The following USP38 variants were observed in gnomAD, a reference collection of about 807,000 sequenced individuals.
The protein encoded by USP38 is ubiquitin carboxyl-terminal hydrolase 38.
In USP38, 49 loss-of-function variants were observed where a neutral mutation model predicts 94.3. The ratio of observed to expected loss-of-function variants is 0.52; its 90% CI spans 0.41 to 0.66. The LOEUF (loss-of-function observed/expected upper bound fraction) is 0.66, where lower values mean the gene tolerates loss of function less well. Among genes scored for constraint, USP38 ranks in the 30% least tolerant of loss-of-function variants. The pLI, the probability that USP38 is intolerant of heterozygous loss-of-function variation, is 0.00. For synonymous variants in USP38, 468 were observed against 463.6 expected, an observed-to-expected ratio of 1.01 and a Z score of -0.12; for missense variants, 1,128 against 1,229.4, an observed-to-expected ratio of 0.92 and a Z score of 1.23.
intron 4 of USP38, among the ~76,000 whole-genome samples, chr4:143,199,336 T>C (rs979366020): frequency 6.6e-6 from 1 of 152,212 alleles, no homozygotes; most frequent in Non-Finnish European, 1.5e-5. Context: ...TATGGCTGCA[T>C]AGTATTCCAT....
intron 6 of USP38, 131 bp downstream of exon 6, chr4:143,206,357 C>A: frequency 1.3e-6 from 1 of 799,158 alleles, no homozygotes; most frequent in Non-Finnish European, 1.8e-6. Context: ...TTGCCTTATT[C>A]AGAAATGAAA....
In USP38 at chr4:143,185,417, T is replaced by C; in HGVS notation, c.-34T>C. The stretch of plus-strand genomic sequence containing the variant: ...CTCGGGGCTGCCGCCACCCGCTCCT[T>C]ATCCCCTGGCCCTGGCCTTGCAGCG... On this transcript the variant is annotated 5_prime_UTR_variant, in exon 1 of 10. Coordinates refer to ENST00000307017, the MANE Select transcript of USP38 (RefSeq NM_032557.6). 2.6e-6 allele frequency: 4 copies of C among 1,537,808 alleles called. No homozygotes were observed. The highest frequency in any genetic ancestry group is 3.5e-6 in the Non-Finnish European group (4 of 1,140,632).
chr4:143,197,006 C>T (rs1731568443), intron 3 of USP38, among the ~76,000 whole-genome samples: 1 of 152,242 alleles, frequency 6.6e-6, no homozygotes, highest in South Asian at 2.1e-4. Flanking sequence ...AAGATTGCAG[C>T]AGCCTTCCTG....
chr4:143,185,801 T>G lies in USP38; in HGVS notation c.351T>G (p.Cys117Trp). Residue 117 changes from cysteine to tryptophan, a missense_variant, in exon 1 of 10, where the codon TGT (cysteine) becomes TGG (tryptophan). Transcript: ENST00000307017. ...IHNGLKLIMSCPSVLDLFSLL... is the reference protein window; with the variant it reads ...IHNGLKLIMSWPSVLDLFSLL... ...ACGGCCTGAAGCTGATTATGAGCTG[T>G]CCGTCGGTGCTGGATCTCTTTAGCC... 6.2e-7 allele frequency: 1 copy of G among 1,614,210 alleles called. No individual in the cohort carries two copies. Among genetic ancestry groups the G allele is most frequent in the Non-Finnish European group, 8.5e-7 (1 of 1,180,040 alleles).
Position 143,195,831 on chromosome 4 carries a change from C to T in USP38, c.934C>T (p.Leu312=). 6.2e-7 allele frequency: 1 copy of T among 1,611,742 alleles called. No homozygotes were observed. The highest frequency in any genetic ancestry group is 8.5e-7 in the Non-Finnish European group (1 of 1,179,104). ...KFTILIDVTL[L]KIELVFNRLW... is the part of the protein sequence containing the mutation. The stretch of plus-strand genomic sequence containing the variant: ...TACTATTTTGATAGATGTTACTTTG[C>T]TGAAAATAGAACTGGTAAGTGGGAG... The change falls in exon 3 of 10, where the codon CTG becomes TTG. Residue 312 remains leucine (L), a synonymous_variant. Transcript: ENST00000307017.
At chr4:143,215,239 T>C (rs1732153576) in intron 9 of USP38, 1 of 348,062 alleles carries the variant, frequency 2.9e-6, no homozygotes, top group Middle Eastern at 8.6e-4. Flanking sequence ...AGTGGACATA[T>C]CCTCCCTCTT....
rs1020158827 is a variant in USP38 at position 143,203,451 on chromosome 4, A to T, written c.1094A>T (p.Asp365Val). The stretch of plus-strand genomic sequence containing the variant: ...AATTTGGTTCATTCTTTCAAAAATG[A>T]TGGTCTGCCTTCAAGTACAGCCTTC... ...VVNLVHSFKN[D>V]GLPSSTAFLV... The change falls in exon 5 of 10, where the codon GAT becomes GTT. Residue 365 changes from aspartate to valine, a missense_variant. Physicochemically the swap from Asp to Val is radical, Grantham distance 152. Transcript: ENST00000307017. 6.2e-7 allele frequency: 1 copy of T among 1,613,068 alleles called. No homozygotes were observed.
Position 143,212,379 on chromosome 4 carries a change from G to A in USP38, c.1559G>A (p.Arg520Lys). 6.2e-6 allele frequency: 10 copies of A among 1,612,246 alleles called. No individual in the cohort carries two copies. The highest frequency in any genetic ancestry group is 8.5e-6 in the Non-Finnish European group (10 of 1,179,010). The stretch of plus-strand genomic sequence containing the variant: ...TCCAGACCTCCATGGTTTACTCCCA[G>A]ATCACAGCAAGACTGTTCTGAATAC... ...EASRPPWFTPRSQQDCSEYLR... is the reference protein window; with the variant it reads ...EASRPPWFTPKSQQDCSEYLR... The change falls in exon 8 of 10, where the codon AGA becomes AAA. Residue 520 changes from arginine (R) to lysine (K), a missense_variant. Transcript: ENST00000307017.
In USP38 at chr4:143,185,259, T is replaced by A; in HGVS notation, c.-192T>A. On this transcript the variant is annotated 5_prime_UTR_variant, in exon 1 of 10. Transcript: ENST00000307017. The stretch of plus-strand genomic sequence containing the variant: ...CGGTTCTTAGGCTCTCCAGGCTCGC[T>A]AGCTCCCGCCCCGGCTTGGATGGGT... 1 of 653,458 alleles carries A rather than the reference T, an allele frequency of 1.5e-6. No homozygotes were observed. The highest frequency in any genetic ancestry group is 2.5e-6 in the Non-Finnish European group (1 of 394,846). The allele number at this position is 653,458 out of a possible 1,614,324, so 40.5% of individuals were successfully genotyped here.
intron 2 of USP38, among the ~76,000 whole-genome samples, chr4:143,188,179 AATATACACAC>A (rs1336125158): frequency 3.9e-5 from 6 of 152,166 alleles, no homozygotes; most frequent in African/African-American, 1.4e-4. Context: ...TAATTACCAA[AATATACACAC>A]ATATACACAT....
Position 143,213,642 on chromosome 4 carries a change from G to C in USP38, c.1666G>C (p.Glu556Gln). The change falls in exon 9 of 10, where the codon GAA becomes CAA. Residue 556 changes from glutamate to glutamine, a missense_variant. Transcript: ENST00000307017. ...QASHKPSEIL[E>Q]CSETSLQEVA... ...CTCACACAAGCCTTCTGAAATTCTGGAATGCAGTGAAACTTCTTTACAGGA... is the reference window on the plus strand; with the variant it reads ...CTCACACAAGCCTTCTGAAATTCTGCAATGCAGTGAAACTTCTTTACAGGA... 1 of 1,613,290 alleles carries C rather than the reference G, an allele frequency of 6.2e-7. No individual in the cohort carries two copies. The highest frequency in any genetic ancestry group is 8.5e-7 in the Non-Finnish European group (1 of 1,179,636).
intron 3 of USP38, 105 bp downstream of exon 3, chr4:143,195,950 G>T: frequency 3.6e-6 from 4 of 1,108,700 alleles, no homozygotes; most frequent in Non-Finnish European, 4.9e-6. Context: ...ATATGTTATT[G>T]TTGTTTTGTT....
At chr4:143,196,567 T>A (rs1731555395) in intron 3 of USP38, among the ~76,000 whole-genome samples, 2 of 152,174 alleles carry the variant, frequency 1.3e-5, no homozygotes, top group Non-Finnish European at 1.5e-5. Context: ...TTGTCCTCCT[T>A]CACAGGCTTA....
intron 9 of USP38, among the ~76,000 whole-genome samples, chr4:143,219,255 A>G (rs75705056): frequency 0.057 from 8,723 of 152,198 alleles, 307 homozygotes; most frequent in Non-Finnish European, 0.078. Flanking sequence ...TGAACAGAAG[A>G]TGCTGCATGC....
Position 143,212,549 on chromosome 4 carries a change from C to T in USP38, c.1604+125C>T. The T allele has an allele frequency of 7.7e-6, 4 of 521,096 alleles. No individual in the cohort carries two copies. In the East Asian group the frequency reaches 1.4e-4, roughly 19 times the overall value. 32.3% of individuals were successfully genotyped at this position (521,096 alleles called of 1,614,324 possible). ...TACTCTTTAAAATACTATTGCATTT[C>T]TTGTATGTTTTTTATATTTTCTTTT... is the stretch of plus-strand genomic sequence containing the variant. On this transcript the variant is annotated intron_variant, in intron 8 of 9. Coordinates refer to ENST00000307017, the MANE Select transcript of USP38 (RefSeq NM_032557.6).
At chr4:143,191,650 C>T (rs939198021) in intron 2 of USP38, among the ~76,000 whole-genome samples, 1 of 152,100 alleles carries the variant, frequency 6.6e-6, no homozygotes, top group Non-Finnish European at 1.5e-5. Flanking sequence ...TAAAGAAATG[C>T]TTTATTTAAC....
rs200466375 is a variant in USP38 at position 143,220,282 on chromosome 4, T to C, written c.2968-13T>C. The C allele has an allele frequency of 1.0e-5, 16 of 1,598,978 alleles. No individual in the cohort carries two copies. The East Asian group carries it at 1.8e-4, about 18-fold the overall frequency. ...TAGCATTTTAATTTCATAAAAGTTATTTTTAATTTTAGGAACAAGAGTTGA... is the reference window on the plus strand; with the variant it reads ...TAGCATTTTAATTTCATAAAAGTTACTTTTAATTTTAGGAACAAGAGTTGA... On this transcript the variant is annotated splice_polypyrimidine_tract_variant and intron_variant, in intron 9 of 9. Transcript: ENST00000307017.
intron 1 of USP38, among the ~76,000 whole-genome samples, chr4:143,187,214 T>C (rs936681888): frequency 6.6e-6 from 1 of 152,208 alleles, no homozygotes; most frequent in African/African-American, 2.4e-5. Flanking sequence ...GTATACAGTT[T>C]AAGCAAAATC....
At chr4:143,204,093 C>T (rs991599743) in intron 5 of USP38, among the ~76,000 whole-genome samples, 2 of 151,798 alleles carry the variant, frequency 1.3e-5, no homozygotes, top group African/African-American at 2.4e-5. Context: ...GCGATTCTTC[C>T]GCCTCAGCCT....
Sources: gnomAD v4.1 joint callset for allele counts (sites outside exome capture counted in the v4.1 genomes callset) on GRCh38, gnomAD v4.1.1 for gene constraint, MANE v1.5 for transcripts, NCBI Gene and HGNC (gene_info 2026-07-23, HGNC 2026-07-21) for gene names.